The following PCNX4 variants were observed in gnomAD, a reference collection of about 807,000 sequenced individuals.
PCNX4 encodes pecanex-like protein 4.
In PCNX4, 103 loss-of-function variants were observed where a neutral mutation model predicts 107.2. The ratio of observed to expected loss-of-function variants is 0.96; its 90% CI spans 0.82 to 1.13. The LOEUF (loss-of-function observed/expected upper bound fraction) is 1.13. Ranked by LOEUF, PCNX4 falls within the 50% of genes most tolerant of loss-of-function variation. The pLI is 0.00. For synonymous variants in PCNX4, 541 were observed against 481.7 expected (o/e 1.12, Z -1.61); for missense variants, 1,528 against 1,379.4 (o/e 1.11, Z -1.71).
intron 1 of PCNX4, among the ~76,000 whole-genome samples, chr14:60,101,439 A>T (rs1455315900): frequency 6.6e-6 from 1 of 152,208 alleles, no homozygotes; most frequent in Non-Finnish European, 1.5e-5. Flanking sequence ...CTCAGAAGTT[A>T]AAAAAATGAG....
At chr14:60,092,714 T>C (rs1895328636) in intron 1 of PCNX4, among the ~76,000 whole-genome samples, 1 of 152,194 alleles carries the variant, frequency 6.6e-6, no homozygotes, top group Admixed American at 6.5e-5. Context: ...CCCGGAGCTG[T>C]GTCCGTTAGG....
rs1595184282 is a variant in PCNX4, at chr14:60,139,015, T to A, written c.*4794T>A. 1.3e-5 allele frequency: 2 copies of A among 152,048 alleles called. No individual in the cohort carries two copies. The highest frequency in any genetic ancestry group is 2.1e-4 in the South Asian group (1 of 4,818). The allele number at this position is 152,048 out of a possible 1,614,324, so 9.4% of individuals were successfully genotyped here. On this transcript the variant is annotated 3_prime_UTR_variant, in exon 11 of 11. Coordinates refer to ENST00000406854, the MANE Select transcript of PCNX4 (RefSeq NM_001330177.2). Reference sequence around the variant, plus strand: ...AAGCAAAATAAAACAATCGTAGAACTACAAAGCTAATACAGGGCTAAAGTG... The same window carrying A: ...AAGCAAAATAAAACAATCGTAGAACAACAAAGCTAATACAGGGCTAAAGTG...
chr14:60,126,332 A>T (rs553869856), intron 10 of PCNX4: 1 of 152,394 alleles, frequency 6.6e-6, no homozygotes, highest in Non-Finnish European at 1.5e-5. Context: ...AAGTGTACAC[A>T]ACATGAAAGA....
chr14:60,115,249 T>C lies in PCNX4; in HGVS notation c.1145T>C (p.Ile382Thr). The change falls in exon 4 of 11, where the codon ATT becomes ACT. Residue 382 changes from isoleucine (I) to threonine (T), a missense_variant. By Grantham distance (89) the Ile-to-Thr change is moderately conservative. Coordinates refer to ENST00000406854, the MANE Select transcript of PCNX4 (RefSeq NM_001330177.2). Reference sequence around the variant, plus strand: ...CATCACTTTGCTGGCTTCTCACAGATTTCTAAAAGCAATTCCCAGGCTATT... The same window carrying C: ...CATCACTTTGCTGGCTTCTCACAGACTTCTAAAAGCAATTCCCAGGCTATT... ...LLHHFAGFSQ[I>T]SKSNSQAIVG... 1 of 1,612,886 alleles carries C rather than the reference T, an allele frequency of 6.2e-7. No individual in the cohort carries two copies. Among genetic ancestry groups the C allele is most frequent in the Non-Finnish European group, 8.5e-7 (1 of 1,179,100 alleles).
intron 6 of PCNX4, 121 bp downstream of exon 6, chr14:60,116,181 A>G (rs1053694412): frequency 2.1e-5 from 21 of 992,828 alleles, no homozygotes; most frequent in African/African-American, 1.2e-4. Context: ...AACATTTTCA[A>G]CATCCCAAAA....
chr14:60,124,995 C>A lies in PCNX4; in HGVS notation c.2824C>A (p.Leu942Ile), dbSNP rs1412290824. The change falls in exon 9 of 11, where the codon CTA (leucine) becomes ATA (isoleucine). Residue 942 changes from leucine to isoleucine, a missense_variant. Transcript: ENST00000406854. ...LFPEDWYQFV[L>I]RQLECYHSEE... is the part of the protein sequence containing the mutation. ...TCCAGAAGACTGGTACCAATTTGTT[C>A]TAAGGCAGTTGGAATGTTATCATTC... is the stretch of plus-strand genomic sequence containing the variant. The A allele has an allele frequency of 3.1e-6, 5 of 1,613,750 alleles. No homozygotes were observed. The highest frequency in any genetic ancestry group is 3.3e-5 in the Admixed American group (2 of 60,000).
intron 10 of PCNX4, among the ~76,000 whole-genome samples, chr14:60,128,834 G>C (rs1299826839): frequency 6.6e-6 from 1 of 152,168 alleles, no homozygotes; most frequent in Non-Finnish European, 1.5e-5. Flanking sequence ...GGGCAAAGCT[G>C]TACTGGATAA....
chr14:60,144,797 C>A lies in PCNX4; in HGVS notation c.*10576C>A. ...AATACCTTTTTTGCAAGATTCATGG[C>A]AATCTTTTATTATTTATTTTTTATT... On this transcript the variant is annotated 3_prime_UTR_variant, in exon 11 of 11. Transcript: ENST00000406854. The A allele has an allele frequency of 1.6e-6, 1 of 627,396 alleles. No individual in the cohort carries two copies. 38.9% of individuals were successfully genotyped at this position (627,396 alleles called of 1,614,324 possible).
At chr14:60,119,796 G>A (rs900284056) in intron 7 of PCNX4, among the ~76,000 whole-genome samples, 20 of 152,058 alleles carry the variant, frequency 1.3e-4, no homozygotes, top group African/African-American at 4.8e-4. Flanking sequence ...GGGGAAAAAA[G>A]CAATGAAATA....
In PCNX4 at chr14:60,108,314, G is replaced by T; in HGVS notation, c.676G>T (p.Asp226Tyr). The change falls in exon 2 of 11, where the codon GAT becomes TAT. Residue 226 changes from aspartate (D) to tyrosine (Y), a missense_variant. By Grantham distance (160) the Asp-to-Tyr change is radical. Transcript: ENST00000406854. ...TTATATTTTTTTCTTTGTTTCTGTG[G>T]ATCTGGCACACAGGTAAAAACCTAC... ...PLYIFFFVSV[D>Y]LAHRFVVNMP... 14 of 1,605,778 alleles carry T rather than the reference G, an allele frequency of 8.7e-6. No homozygotes were observed. The highest frequency in any genetic ancestry group is 2.2e-5 in the East Asian group (1 of 44,826).
At position 60,108,084 on chromosome 14, in the gene PCNX4, T is replaced by C. The variant is rs1418644950; in HGVS notation, c.446T>C (p.Leu149Ser). 6.2e-7 allele frequency: 1 copy of C among 1,612,854 alleles called. No homozygotes were observed. Among genetic ancestry groups the C allele is most frequent in the Non-Finnish European group, 8.5e-7 (1 of 1,179,876 alleles). The change falls in exon 2 of 11, where the codon TTA becomes TCA. Residue 149 changes from leucine (L) to serine (S), a missense_variant. Coordinates refer to ENST00000406854, the MANE Select transcript of PCNX4 (RefSeq NM_001330177.2). ...NTVFHSILAGLACGLGTWYLL... is the reference protein window; with the variant it reads ...NTVFHSILAGSACGLGTWYLL... Reference sequence around the variant, plus strand: ...GTTTTTCATTCTATTCTTGCTGGATTAGCGTGTGGTCTTGGAACATGGTAT... The same window carrying C: ...GTTTTTCATTCTATTCTTGCTGGATCAGCGTGTGGTCTTGGAACATGGTAT...
At chr14:60,094,175 C>T (rs1365830735) in intron 1 of PCNX4, among the ~76,000 whole-genome samples, 1 of 152,026 alleles carries the variant, frequency 6.6e-6, no homozygotes, top group Non-Finnish European at 1.5e-5. Flanking sequence ...ATGGTGAGAA[C>T]CTTGTTTTTT....
At chr14:60,101,675 A>G (rs1429359650) in intron 1 of PCNX4, among the ~76,000 whole-genome samples, 1 of 145,756 alleles carries the variant, frequency 6.9e-6, no homozygotes, top group Non-Finnish European at 1.5e-5. Context: ...ATGCCAAAAC[A>G]GTATGGAGGT....
intron 7 of PCNX4, among the ~76,000 whole-genome samples, chr14:60,118,898 A>T (rs1895903297): frequency 6.6e-6 from 1 of 152,200 alleles, no homozygotes; most frequent in African/African-American, 2.4e-5. Context: ...CAAAATAAAA[A>T]TACTCAGGGA....
intron 2 of PCNX4, among the ~76,000 whole-genome samples, chr14:60,114,490 G>T (rs1161276122): frequency 3.9e-5 from 6 of 152,038 alleles, no homozygotes; most frequent in Admixed American, 6.5e-5. Context: ...GTACACAATT[G>T]TATAGGGGTA....
chr14:60,123,139 T>G (rs902528285), intron 8 of PCNX4, among the ~76,000 whole-genome samples: 2 of 152,120 alleles, frequency 1.3e-5, no homozygotes, highest in Non-Finnish European at 2.9e-5. Flanking sequence ...ATTACTTAAT[T>G]TTATTCTATT....
chr14:60,127,007 G>A (rs1329964794), intron 10 of PCNX4, among the ~76,000 whole-genome samples: 2 of 152,178 alleles, frequency 1.3e-5, no homozygotes, highest in African/African-American at 2.4e-5. Context: ...TTTGCCCAGT[G>A]GGAGAAGCAA....
intron 6 of PCNX4, among the ~76,000 whole-genome samples, chr14:60,117,958 T>G (rs1211429316): frequency 6.6e-6 from 1 of 152,196 alleles, no homozygotes; most frequent in East Asian, 1.9e-4. Context: ...TCTCTTTACT[T>G]TTTGTAGGTT....
At position 60,125,617 on chromosome 14, in the gene PCNX4, C is replaced by A; in HGVS notation, c.3081-20C>A. Reference sequence around the variant, plus strand: ...TGACAGCAAATATTCTAAAATTCTTCGGTTCTCCATTTTTTTTAGGTATAC... The same window carrying A: ...TGACAGCAAATATTCTAAAATTCTTAGGTTCTCCATTTTTTTTAGGTATAC... On this transcript the variant is annotated intron_variant, in intron 9 of 10. Transcript: ENST00000406854. 4 of 1,417,144 alleles carry A rather than the reference C, an allele frequency of 2.8e-6. No homozygotes were observed. The highest frequency in any genetic ancestry group is 3.7e-6 in the Non-Finnish European group (4 of 1,076,080). The allele number at this position is 1,417,144 out of a possible 1,614,324, so 87.8% of individuals were successfully genotyped here.
Sources: allele counts gnomAD v4.1 joint callset (sites outside exome capture counted in the v4.1 genomes callset), GRCh38; gene constraint gnomAD v4.1.1; transcripts MANE v1.5; gene names NCBI Gene and HGNC (gene_info 2026-07-23, HGNC 2026-07-21).